Variants in SUGCT observed in about 807,000 individuals in gnomAD.
SUGCT encodes succinyl-CoA:glutarate CoA-transferase.
SUGCT carries 41 observed loss-of-function variants against 55.0 expected under a neutral mutation model. That is an observed-to-expected ratio of 0.74 (90% CI 0.58 to 0.97). The LOEUF (loss-of-function observed/expected upper bound fraction) is 0.97. Among genes scored for constraint, SUGCT ranks in the 50% least tolerant of loss-of-function variants. The pLI, the probability that SUGCT is intolerant of heterozygous loss-of-function variation, is 0.00. For synonymous variants in SUGCT, 187 were observed against 200.4 expected (o/e 0.93, Z 0.56); for missense variants, 568 against 547.8 (o/e 1.04, Z -0.37).
intron 8 of SUGCT, among the ~76,000 whole-genome samples, chr7:40,282,995 C>T (rs1793070289): frequency 6.6e-6 from 1 of 151,340 alleles, no homozygotes; most frequent in Non-Finnish European, 1.5e-5. Flanking sequence ...TGGATATGAG[C>T]CCAAAAAGCA....
rs118012088 is a variant in SUGCT, at chr7:40,475,421, T to C, written c.986+16223T>C. Among the ~76,000 whole-genome samples, 606 of 152,336 alleles carry C rather than the reference T, an allele frequency of 4.0e-3. 2 individuals are homozygous for C. The highest frequency in any genetic ancestry group is 6.6e-3 in the South Asian group (32 of 4,828). ...GTTCACGAAGATATTTTGAATGACC[T>C]TGTTAGTAACTTCGGTGAAATCCAG... is the stretch of plus-strand genomic sequence containing the variant. On this transcript the variant is annotated intron_variant, in intron 11 of 13. Transcript: ENST00000335693.
chr7:40,628,997 T>C (rs1481456795), intron 12 of SUGCT, among the ~76,000 whole-genome samples: 1 of 152,124 alleles, frequency 6.6e-6, no homozygotes, highest in Non-Finnish European at 1.5e-5. Context: ...TTTACTCTGT[T>C]TCAGCATCCT....
intron 12 of SUGCT, among the ~76,000 whole-genome samples, chr7:40,577,134 C>A (rs942641384): frequency 1.3e-5 from 2 of 152,180 alleles, no homozygotes; most frequent in African/African-American, 4.8e-5. Flanking sequence ...AGCAGCATTT[C>A]CGATTTTAAG....
intron 12 of SUGCT, among the ~76,000 whole-genome samples, chr7:40,504,682 C>T (rs957800171): frequency 1.5e-4 from 23 of 152,176 alleles, no homozygotes; most frequent in Admixed American, 1.5e-3. Context: ...GATCCGCACA[C>T]CTTAGCCTCC....
At chr7:40,965,733 G>A in the SUGCT span, 1 of 152,112 alleles carries the variant, frequency 6.6e-6, no homozygotes, top group Non-Finnish European at 1.5e-5. Context: ...AGACTATTTG[G>A]AAAACAAAAC....
intron 13 of SUGCT, among the ~76,000 whole-genome samples, chr7:40,768,055 G>C (rs1223037854): frequency 6.6e-6 from 1 of 152,156 alleles, no homozygotes; most frequent in African/African-American, 2.4e-5. Context: ...TCTGAGCTTG[G>C]ACCAAGAATG....
At position 40,446,331 on chromosome 7, in the gene SUGCT, G is replaced by GC. The variant is rs542976804; in HGVS notation, c.817-2950dup. Among the ~76,000 whole-genome samples the GC allele has an allele frequency of 7.1e-4, 107 of 151,662 alleles. 3 individuals are homozygous for GC. The South Asian group carries it at 0.017, about 24-fold the overall frequency. On this transcript the variant is annotated intron_variant, in intron 9 of 13. Transcript: ENST00000335693. Reference sequence around the variant, plus strand: ...ATTGTTACTTCACATTTACTTATTCGCCCCCCATCTCACCCTTCTCCACAA... The same window carrying GC: ...ATTGTTACTTCACATTTACTTATTCGCCCCCCCATCTCACCCTTCTCCACAA...
intron 9 of SUGCT, among the ~76,000 whole-genome samples, chr7:40,322,130 A>T (rs1035684230): frequency 6.6e-6 from 1 of 152,050 alleles, no homozygotes; most frequent in Non-Finnish European, 1.5e-5. Flanking sequence ...TTATAGATGA[A>T]ATGTACCCAG....
chr7:40,729,797 A>G (rs1350755070), intron 12 of SUGCT, among the ~76,000 whole-genome samples: 1 of 152,132 alleles, frequency 6.6e-6, no homozygotes, highest in Non-Finnish European at 1.5e-5. Flanking sequence ...AAGCAGGAAA[A>G]CACACGCCAC....
intron 12 of SUGCT, among the ~76,000 whole-genome samples, chr7:40,728,424 C>A (rs1786719158): frequency 6.6e-6 from 1 of 152,048 alleles, no homozygotes; most frequent in African/African-American, 2.4e-5. Flanking sequence ...GAGGCTGAGG[C>A]AGGAGAATCA....
chr7:40,938,927 G>A, the SUGCT span, among the ~76,000 whole-genome samples: 2 of 152,232 alleles, frequency 1.3e-5, no homozygotes, highest in East Asian at 3.9e-4. Context: ...AGGATGATGG[G>A]CACTTACGTT....
chr7:40,184,444 G>T (rs1177490352), intron 3 of SUGCT, among the ~76,000 whole-genome samples: 1 of 151,082 alleles, frequency 6.6e-6, no homozygotes, highest in Non-Finnish European at 1.5e-5. Context: ...AATTTTTTTT[G>T]TTTTGTTTGA....
Position 40,366,209 on chromosome 7 carries a change from A to G in SUGCT, c.816+49354A>G, listed in dbSNP as rs201668095. Among the ~76,000 whole-genome samples the G allele has an allele frequency of 6.6e-5, 10 of 152,156 alleles. No homozygotes were observed. The East Asian group carries it at 1.9e-3, about 29-fold the overall frequency. ...ATGGTGCTGGGAAAACTGGCTAGCC[A>G]TATGTAGAAAGCTGAAACTGGATCC... On this transcript the variant is annotated intron_variant, in intron 9 of 13. Coordinates refer to ENST00000335693, the MANE Select transcript of SUGCT (RefSeq NM_001193313.2).
intron 1 of SUGCT, among the ~76,000 whole-genome samples, chr7:40,150,444 G>A (rs746598681): frequency 2.6e-5 from 4 of 152,128 alleles, no homozygotes; most frequent in Non-Finnish European, 4.4e-5. Context: ...TAAGGCAGGC[G>A]GATCACTTGA....
chr7:40,271,164 C>A (rs1161274490), intron 7 of SUGCT, among the ~76,000 whole-genome samples: 2 of 152,162 alleles, frequency 1.3e-5, no homozygotes, highest in Non-Finnish European at 2.9e-5. Context: ...TCTTTCTTTG[C>A]AACCTAAATT....
chr7:40,840,970 T>C (rs1165588729), intron 13 of SUGCT, among the ~76,000 whole-genome samples: 2 of 134,012 alleles, frequency 1.5e-5, no homozygotes, highest in Non-Finnish European at 3.2e-5. Context: ...TATATGAAAA[T>C]AGTCACTTTC....
the SUGCT span, among the ~76,000 whole-genome samples, chr7:40,985,347 A>G: frequency 2.0e-5 from 3 of 152,190 alleles, no homozygotes; most frequent in African/African-American, 7.2e-5. Flanking sequence ...TACAAAAAAG[A>G]CAAGTCCTCA....
intron 3 of SUGCT, among the ~76,000 whole-genome samples, chr7:40,187,463 C>A (rs1458824474): frequency 6.6e-6 from 1 of 151,918 alleles, no homozygotes; most frequent in Admixed American, 6.6e-5. Flanking sequence ...TTGTGTGGGT[C>A]AAATAAAACA....
the SUGCT span, among the ~76,000 whole-genome samples, chr7:40,912,415 A>C: frequency 4.6e-5 from 7 of 152,282 alleles, no homozygotes; most frequent in Admixed American, 6.5e-5. Flanking sequence ...CACAACTCCC[A>C]ATTATCCAAC....
Sources: gnomAD v4.1 joint callset for allele counts (sites outside exome capture counted in the v4.1 genomes callset) on GRCh38, gnomAD v4.1.1 for gene constraint, MANE v1.5 for transcripts, NCBI Gene and HGNC (gene_info 2026-07-23, HGNC 2026-07-21) for gene names.